Variants in OPLAH observed in about 807,000 individuals in gnomAD.
OPLAH encodes the protein 5-oxoprolinase.
A neutral mutation model predicts 122.8 loss-of-function variants in OPLAH; 103 were observed. The ratio of observed to expected loss-of-function variants is 0.84; its 90% CI spans 0.71 to 0.99. The LOEUF is 0.99. OPLAH is among the 50% of genes least tolerant of loss of function. The pLI is 0.00. For synonymous variants in OPLAH, 875 were observed against 796.0 expected, an observed-to-expected ratio of 1.10 and a Z score of -1.67; for missense variants, 1,902 against 1,836.5, an observed-to-expected ratio of 1.04 and a Z score of -0.65.
chr8:144,062,431 G>A (rs1253775240), upstream of OPLAH, among the ~76,000 whole-genome samples: 1 of 151,990 alleles, frequency 6.6e-6, no homozygotes, highest in Non-Finnish European at 1.5e-5. Flanking sequence ...ATCATGCCAC[G>A]CCCACATGCA....
rs1554758894 is a variant in OPLAH, at chr8:144,055,919, C to T, written c.2117G>A (p.Gly706Asp). 1 of 1,586,580 alleles carries T rather than the reference C, an allele frequency of 6.3e-7. No individual in the cohort carries two copies. The highest frequency in any genetic ancestry group is 1.8e-5 in the Admixed American group (1 of 56,574). Residue 706 changes from glycine (G) to aspartate (D), a missense_variant, in exon 16 of 27, where the codon GGT (glycine) becomes GAT (aspartate). This residue lies in a region of OPLAH where 1,726 missense variants were observed against 1,642.1 expected (regional missense o/e 1.05). Coordinates refer to ENST00000618853, the MANE Select transcript of OPLAH (RefSeq NM_017570.5). The surrounding 1 kb of genome is among the most constrained non-coding windows in gnomAD (Gnocchi z 6.5). ...TGTCTTGGTCACCTCTGCCTGGCAA[C>T]CTGGCTCCACCAGGATGGTGCTGGG... ...DSNSTILVEPGCQAEVTKTGD... is the reference protein window; with the variant it reads ...DSNSTILVEPDCQAEVTKTGD...
rs782050780 is a variant in OPLAH at position 144,058,172 on chromosome 8, G to A, written c.950-24C>T. On this transcript the variant is annotated intron_variant, in intron 7 of 26. Coordinates refer to ENST00000618853, the MANE Select transcript of OPLAH (RefSeq NM_017570.5). ...GCCTGGCAGGGGTGGGGTGCTGGTG[G>A]GTCACTTGAAGACCCAGGGGCCCAG... 9 of 1,611,066 alleles carry A rather than the reference G, an allele frequency of 5.6e-6. No homozygotes were observed. In the African/African-American group the frequency reaches 1.1e-4, roughly 19 times the overall value.
Position 144,056,704 on chromosome 8 carries a change from G to C in OPLAH, c.1758C>G (p.Asp586Glu), listed in dbSNP as rs781941639. The C allele has an allele frequency of 1.2e-6, 2 of 1,611,578 alleles. No individual in the cohort carries two copies. ...GGTGGGCAGACACCATCAGAGCACA[G>C]TCCGTGCCCTGGTAGCGCAGGTGCA... is the stretch of plus-strand genomic sequence containing the variant. The part of the protein sequence containing the change: ...SFLHLRYQGT[D>E]CALMVSAHQH... Residue 586 changes from aspartate to glutamate, a missense_variant, in exon 13 of 27, where the codon GAC becomes GAG. Around this residue, in one of 3 missense-constraint regions of OPLAH, gnomAD observed 1,726 missense variants for 1,642.1 expected, o/e 1.05. Coordinates refer to ENST00000618853, the MANE Select transcript of OPLAH (RefSeq NM_017570.5).
chr8:144,057,939 G>A lies in OPLAH; in HGVS notation c.1089-16C>T, dbSNP rs957606522. 7 of 1,611,766 alleles carry A rather than the reference G, an allele frequency of 4.3e-6. No homozygotes were observed. Among genetic ancestry groups the A allele is most frequent in the Non-Finnish European group, 5.9e-6 (7 of 1,179,534 alleles). On this transcript the variant is annotated splice_polypyrimidine_tract_variant and intron_variant, in intron 8 of 26. Transcript: ENST00000618853. ...GAGGCCAGACCTAGGGGAAGGAAGG[G>A]CTGGGGTTGGAGTTGGACACGAGGA...
chr8:144,057,622 T>A lies in OPLAH; in HGVS notation c.1248A>T (p.Gln416His). The part of the protein sequence containing the change: ...FPCIFGPGEN[Q>H]PLSPEASRKA... ...TGCGGGAGGCCTCAGGGGAAAGTGG[T>A]TGGTTCTCTCCCGGCCCAAAAATGC... The change falls in exon 10 of 27, where the codon CAA becomes CAT. Residue 416 changes from glutamine (Q) to histidine (H), a missense_variant. By Grantham distance (24) the Gln-to-His change is conservative (BLOSUM62 0). This residue lies in a region of OPLAH where 1,726 missense variants were observed against 1,642.1 expected (regional missense o/e 1.05). Coordinates refer to ENST00000618853, the MANE Select transcript of OPLAH (RefSeq NM_017570.5). 1 of 1,596,586 alleles carries A rather than the reference T, an allele frequency of 6.3e-7. No homozygotes were observed. The highest frequency in any genetic ancestry group is 8.5e-7 in the Non-Finnish European group (1 of 1,170,834).
At chr8:144,060,171 G>A (rs1245033492) in intron 1 of OPLAH, 86 bp from the exon 2 acceptor site, 1 of 979,700 alleles carries the variant, frequency 1.0e-6, no homozygotes, top group African/African-American at 1.7e-5. Flanking sequence ...GTTCCTGAGG[G>A]AGAGACCCAC....
At chr8:144,057,790 A>G in intron 9 of OPLAH, 66 bp downstream of exon 9, 1 of 1,608,668 alleles carries the variant, frequency 6.2e-7, no homozygotes, top group Non-Finnish European at 8.5e-7. Flanking sequence ...TAGGGCTGAC[A>G]GGAGGGGCTG....
In OPLAH at chr8:144,058,927, A is replaced by G. The variant is rs782492198; in HGVS notation, c.464-31T>C. On this transcript the variant is annotated intron_variant, in intron 4 of 26. Transcript: ENST00000618853. Reference sequence around the variant, plus strand: ...AGAAAAGCCCAGGAGGCCCCGTTAAAGGCCAGCAGGACCCTCCGGCCCCAA... The same window carrying G: ...AGAAAAGCCCAGGAGGCCCCGTTAAGGGCCAGCAGGACCCTCCGGCCCCAA... 48 of 1,552,734 alleles carry G rather than the reference A, an allele frequency of 3.1e-5. No homozygotes were observed. The Middle Eastern group carries it at 5.0e-4, about 16-fold the overall frequency.
In OPLAH at chr8:144,052,533, C is replaced by T. The variant is rs782499344; in HGVS notation, c.3219G>A (p.Ala1073=). 2 of 1,591,380 alleles carry T rather than the reference C, an allele frequency of 1.3e-6. No individual in the cohort carries two copies. The highest frequency in any genetic ancestry group is 2.7e-5 in the African/African-American group (2 of 74,728). The change falls in exon 23 of 27, where the codon GCG becomes GCA. Residue 1073 remains alanine, a synonymous_variant. Coordinates refer to ENST00000618853, the MANE Select transcript of OPLAH (RefSeq NM_017570.5). ...RGSILDPSPE[A]AVVGGNVLTS... ...TGAGCACGTTGCCGCCCACCACCGC[C>T]GCCTCGGGCGACGGGTCCAGGATGG...
At chr8:144,053,168 C>T in intron 20 of OPLAH, 39 bp from the exon 21 acceptor site, 2 of 1,608,768 alleles carry the variant, frequency 1.2e-6, no homozygotes, top group East Asian at 2.2e-5. Flanking sequence ...AGGTCACCTG[C>T]AGGATGGCCC....
chr8:144,055,225 C>T lies in OPLAH; in HGVS notation c.2249-36G>A. The T allele has an allele frequency of 2.0e-6, 3 of 1,490,786 alleles. No homozygotes were observed. The highest frequency in any genetic ancestry group is 1.8e-6 in the Non-Finnish European group (2 of 1,121,222). 92.3% of individuals were successfully genotyped at this position (1,490,786 alleles called of 1,614,324 possible). ...AAAGTGACCAGGCCCGCTGGCCCCA[C>T]CCACCCACAGCCTGGCCCCAGGAAA... On this transcript the variant is annotated intron_variant, in intron 16 of 26. Coordinates refer to ENST00000618853, the MANE Select transcript of OPLAH (RefSeq NM_017570.5). The surrounding 1 kb of genome is among the most constrained non-coding windows in gnomAD (Gnocchi z 6.5).
rs1014294544 is a variant in OPLAH, at chr8:144,051,925, C to T, written c.3613G>A (p.Gly1205Arg). 2 of 1,535,218 alleles carry T rather than the reference C, an allele frequency of 1.3e-6. No individual in the cohort carries two copies. The highest frequency in any genetic ancestry group is 1.7e-6 in the Non-Finnish European group (2 of 1,147,538). Residue 1205 changes from glycine (G) to arginine (R), a missense_variant, in exon 25 of 27, where the codon GGG (glycine) becomes AGG (arginine). Gly to Arg is a moderately radical substitution (Grantham distance 125, BLOSUM62 -2). This residue lies in a region of OPLAH where 1,726 missense variants were observed against 1,642.1 expected (regional missense o/e 1.05). Coordinates refer to ENST00000618853, the MANE Select transcript of OPLAH (RefSeq NM_017570.5). ...CTGGGGAACCGCGCACCGTGGAGCC[C>T]GTATGGCCGGAAGGCGCGGCGCTCG... Reference protein sequence around the residue: ...LTERRAFRPYGLHGGEPGARG... With the variant: ...LTERRAFRPYRLHGGEPGARG...
intron 9 of OPLAH, 31 bp downstream of exon 9, chr8:144,057,825 A>C: frequency 1.9e-6 from 3 of 1,606,460 alleles, no homozygotes; most frequent in Non-Finnish European, 2.5e-6. Context: ...AGCGGAGGGC[A>C]AGGCCAGGCC....
In OPLAH at chr8:144,057,916, G is replaced by C. The variant is rs781836204; in HGVS notation, c.1096C>G (p.Leu366Val). The C allele has an allele frequency of 1.2e-6, 2 of 1,612,116 alleles. No individual in the cohort carries two copies. The highest frequency in any genetic ancestry group is 1.7e-6 in the Non-Finnish European group (2 of 1,179,616). Residue 366 changes from leucine (L) to valine (V), a missense_variant, in exon 9 of 27, where the codon CTC becomes GTC. By Grantham distance (32) the Leu-to-Val change is conservative (BLOSUM62 1). Coordinates refer to ENST00000618853, the MANE Select transcript of OPLAH (RefSeq NM_017570.5). ...GCTGACTCGGGCCCAACCACAAAGA[G>C]GCCAGACCTAGGGGAAGGAAGGGCT... ...GGSRLFFRSGLFVVGPESAGA... is the reference protein window; with the variant it reads ...GGSRLFFRSGVFVVGPESAGA...
Position 144,059,584 on chromosome 8 carries a change from C to T in OPLAH, c.363+15G>A, listed in dbSNP as rs782227938. ...TACACCACACAGCCTGGTCCCCAGC[C>T]AACATGGAGCTCACCAGGTCAAAGA... On this transcript the variant is annotated intron_variant, in intron 3 of 26. Coordinates refer to ENST00000618853, the MANE Select transcript of OPLAH (RefSeq NM_017570.5). 6.3e-7 allele frequency: 1 copy of T among 1,591,986 alleles called. No homozygotes were observed. The highest frequency in any genetic ancestry group is 1.3e-5 in the African/African-American group (1 of 74,662).
rs1554760285 is a variant in OPLAH at position 144,059,086 on chromosome 8, G to T, written c.364-7C>A. 5 of 1,568,138 alleles carry T rather than the reference G, an allele frequency of 3.2e-6. No homozygotes were observed. The Admixed American group carries it at 5.6e-5, about 17-fold the overall frequency. On this transcript the variant is annotated splice_polypyrimidine_tract_variant and splice_region_variant and intron_variant, in intron 3 of 26. Coordinates refer to ENST00000618853, the MANE Select transcript of OPLAH (RefSeq NM_017570.5). ...CCTCAGGCATGGGCACGGCCTGGGG[G>T]CGGGCAGAGACTCAGAAGAGGCCCA...
chr8:144,054,773 C>G (rs1564289736), intron 18 of OPLAH, 38 bp from the exon 19 acceptor site: 1 of 1,612,098 alleles, frequency 6.2e-7, no homozygotes, highest in Non-Finnish European at 8.5e-7. Context: ...GCATCGGCCA[C>G]CACTGCCCCA....
chr8:144,050,424 C>T, downstream of OPLAH: 1 of 985,604 alleles, frequency 1.0e-6, no homozygotes, highest in Non-Finnish European at 1.2e-6. Context: ...TCAGCGTGCT[C>T]CTGGGCGACC....
rs781787765 is a variant in OPLAH, at chr8:144,057,136, A to G, written c.1536-18T>C. 1 of 1,594,722 alleles carries G rather than the reference A, an allele frequency of 6.3e-7. No individual in the cohort carries two copies. The highest frequency in any genetic ancestry group is 1.3e-5 in the African/African-American group (1 of 74,764). On this transcript the variant is annotated intron_variant, in intron 11 of 26. Coordinates refer to ENST00000618853, the MANE Select transcript of OPLAH (RefSeq NM_017570.5). ...CACTGTGCCTGCAGGGATGGGCAGC[A>G]TGGCAATGGGAGGTCACCTCCCAAG...
Sources: gnomAD v4.1 joint callset for allele counts (sites outside exome capture counted in the v4.1 genomes callset) on GRCh38, gnomAD v4.1.1 for gene constraint, gnomAD v4.1.1 regional missense constraint, Gnocchi (gnomAD v3.1) non-coding constraint, MANE v1.5 for transcripts, NCBI Gene and HGNC (gene_info 2026-07-23, HGNC 2026-07-21) for gene names.